EPHA6: variants seen among roughly 807,000 people sequenced by gnomAD.
The protein encoded by EPHA6 is EPH receptor A6, also known as ephrin type-A receptor 6.
In EPHA6, 50 loss-of-function variants were observed where a neutral mutation model predicts 112.0. That is an observed-to-expected ratio of 0.45 (90% CI 0.36 to 0.56). The LOEUF is 0.56. Ranked by LOEUF, EPHA6 falls within the 20% of genes least tolerant of loss-of-function variation. EPHA6 has a pLI of 0.00. For missense variants in EPHA6, 1,280 were observed against 1,417.4 expected, an observed-to-expected ratio of 0.90 and a Z score of 1.56; for synonymous variants, 529 against 490.7, an observed-to-expected ratio of 1.08 and a Z score of -1.03.
Position 97,369,639 on chromosome 3 carries a change from A to G in EPHA6, c.1607-35511A>G, listed in dbSNP as rs184824992. Among the ~76,000 whole-genome samples, 470 of 152,228 alleles carry G rather than the reference A, an allele frequency of 3.1e-3. 4 individuals carry two copies. Among genetic ancestry groups the G allele is most frequent in the African/African-American group, 0.011 (456 of 41,548 alleles). On this transcript the variant is annotated intron_variant, in intron 5 of 17. Coordinates refer to ENST00000389672, the MANE Select transcript of EPHA6 (RefSeq NM_001080448.3). ...TCATCTTGTTTTCCATTCCTTGCTC[A>G]CGGGACTTCCCTTCTCTTATGTGAT...
chr3:97,548,007 G>A (rs2092979165), intron 11 of EPHA6, among the ~76,000 whole-genome samples: 1 of 152,190 alleles, frequency 6.6e-6, no homozygotes, highest in Non-Finnish European at 1.5e-5. Flanking sequence ...CTGACCCCTT[G>A]TGCTTCCCGG....
intron 1 of EPHA6, among the ~76,000 whole-genome samples, chr3:96,838,559 C>G (rs2034555202): frequency 6.6e-6 from 1 of 152,070 alleles, no homozygotes; most frequent in Non-Finnish European, 1.5e-5. Flanking sequence ...TCAGCAGCAT[C>G]TGTGTTTTTT....
At chr3:97,257,817 A>G (rs1302822162) in intron 5 of EPHA6, among the ~76,000 whole-genome samples, 2 of 152,068 alleles carry the variant, frequency 1.3e-5, no homozygotes, top group African/African-American at 4.8e-5. Context: ...AAATGGAATG[A>G]CAAGTCTAGT....
intron 5 of EPHA6, among the ~76,000 whole-genome samples, chr3:97,252,429 A>ACG (rs930243306): frequency 3.3e-5 from 5 of 151,920 alleles, no homozygotes; most frequent in Non-Finnish European, 7.4e-5. Context: ...ACACACACAC[A>ACG]CGCGCGCGCA....
chr3:96,834,071 G>T (rs2034251991), intron 1 of EPHA6, among the ~76,000 whole-genome samples: 1 of 151,884 alleles, frequency 6.6e-6, no homozygotes, highest in Admixed American at 6.6e-5. Flanking sequence ...TGATTTAAAT[G>T]TCAAAAAAAG....
At chr3:97,070,253 G>T (rs1299230393) in intron 3 of EPHA6, among the ~76,000 whole-genome samples, 2 of 152,030 alleles carry the variant, frequency 1.3e-5, no homozygotes, top group East Asian at 3.9e-4. Context: ...TTCTGTAAGG[G>T]CAGGTACTGA....
chr3:97,108,320 G>A (rs1180563163), intron 3 of EPHA6, among the ~76,000 whole-genome samples: 1 of 152,132 alleles, frequency 6.6e-6, no homozygotes. Flanking sequence ...TCAATCAATG[G>A]ATGCCAAAAT....
At position 97,753,966 on chromosome 3, in the gene EPHA6, C is replaced by T. The variant is rs556403866; in HGVS notation, c.*5265C>T. Among the ~76,000 whole-genome samples the T allele has an allele frequency of 5.2e-4, 79 of 151,706 alleles. No individual in the cohort carries two copies. The highest frequency in any genetic ancestry group is 1.8e-3 in the African/African-American group (73 of 41,376). ...ATTCTTGGAAAAAAATTAAAAGATC[C>T]AGAAAAAGATACAGGTCATCAAAAT... On this transcript the variant is annotated 3_prime_UTR_variant, in exon 18 of 18. Transcript: ENST00000389672.
Position 97,405,048 on chromosome 3 carries a change from T to C in EPHA6, c.1607-102T>C, listed in dbSNP as rs990357447. ...TCTGCCTTCAATAAATGGTGTCCTC[T>C]TCAACAAGAATTTTATTTTCCTTGG... is the stretch of plus-strand genomic sequence containing the variant. On this transcript the variant is annotated intron_variant, in intron 5 of 17. Transcript: ENST00000389672. 5.1e-6 allele frequency: 7 copies of C among 1,363,274 alleles called. No individual in the cohort carries two copies. The African/African-American group carries it at 1.0e-4, about 20-fold the overall frequency. The allele number at this position is 1,363,274 out of a possible 1,614,324, so 84.4% of individuals were successfully genotyped here. A position where few individuals can be genotyped will look rare whatever the true frequency, so the allele number is the denominator to read the frequency against.
At chr3:97,296,065 T>TAGGTCC in intron 5 of EPHA6, among the ~76,000 whole-genome samples, 1 of 152,312 alleles carries the variant, frequency 6.6e-6, no homozygotes, top group South Asian at 2.1e-4. Flanking sequence ...GTGTGGGTCC[T>TAGGTCC]AGGTCCTCTA....
intron 3 of EPHA6, among the ~76,000 whole-genome samples, chr3:96,996,781 T>G (rs575057460): frequency 6.6e-6 from 1 of 152,160 alleles, no homozygotes; most frequent in African/African-American, 2.4e-5. Flanking sequence ...TCTTACTAGG[T>G]TTAGGATTTT....
chr3:97,357,141 C>T (rs1477074071), intron 5 of EPHA6, among the ~76,000 whole-genome samples: 1 of 152,138 alleles, frequency 6.6e-6, no homozygotes, highest in Non-Finnish European at 1.5e-5. Context: ...CTTTTTCCAT[C>T]TTTCCACTTT....
At chr3:97,314,793 T>C (rs1385713240) in intron 5 of EPHA6, among the ~76,000 whole-genome samples, 1 of 151,598 alleles carries the variant, frequency 6.6e-6, no homozygotes, top group African/African-American at 2.4e-5. Context: ...TAATGAAAGG[T>C]TGATGAGAAC....
intron 6 of EPHA6, among the ~76,000 whole-genome samples, chr3:97,423,818 A>C (rs1559988171): frequency 6.6e-6 from 1 of 152,218 alleles, no homozygotes; most frequent in Non-Finnish European, 1.5e-5. Flanking sequence ...AGACTAATGC[A>C]ACAGGTTAGA....
chr3:97,626,113 G>A (rs72932240), intron 13 of EPHA6, among the ~76,000 whole-genome samples: 28,243 of 151,606 alleles, frequency 0.19, 3,195 homozygotes, highest in African/African-American at 0.29. Context: ...ACCATGAAGA[G>A]CAAGTTCTAC....
chr3:97,498,194 A>G (rs1041420891), intron 10 of EPHA6, among the ~76,000 whole-genome samples: 2 of 152,128 alleles, frequency 1.3e-5, no homozygotes, highest in Non-Finnish European at 1.5e-5. Flanking sequence ...TATAATTCCT[A>G]TGAAGACAAG....
At chr3:97,179,761 C>CTCTCTCTCTCTT (rs1214540454) in intron 3 of EPHA6, among the ~76,000 whole-genome samples, 7 of 142,652 alleles carry the variant, frequency 4.9e-5, no homozygotes, top group South Asian at 4.6e-4. Context: ...CTCTCTCTCT[C>CTCTCTCTCTCTT]CTGAACCACT....
chr3:97,208,460 C>G (rs577620965), intron 3 of EPHA6, among the ~76,000 whole-genome samples: 14 of 151,994 alleles, frequency 9.2e-5, no homozygotes, highest in Non-Finnish European at 1.9e-4. Context: ...AATGGAGGGC[C>G]GCAGGCTGGG....
chr3:97,585,144 T>C (rs2093476561), intron 11 of EPHA6, among the ~76,000 whole-genome samples: 1 of 152,188 alleles, frequency 6.6e-6, no homozygotes, highest in Non-Finnish European at 1.5e-5. Flanking sequence ...CTTCATTCAG[T>C]GTAGCGAATG....
Sources: allele counts gnomAD v4.1 joint callset (sites outside exome capture counted in the v4.1 genomes callset), GRCh38; gene constraint gnomAD v4.1.1; transcripts MANE v1.5; gene names NCBI Gene and HGNC (gene_info 2026-07-23, HGNC 2026-07-21).